PAPSS1: variants seen among roughly 807,000 people sequenced by gnomAD.
PAPSS1 encodes the protein bifunctional 3'-phosphoadenosine 5'-phosphosulfate synthase 1.
PAPSS1 carries 50 observed loss-of-function variants against 72.0 expected under a neutral mutation model. The observed-to-expected ratio is 0.69, with a 90% CI of 0.55 to 0.88. The LOEUF (loss-of-function observed/expected upper bound fraction) is 0.88, where lower values mean the gene tolerates loss of function less well. Ranked by LOEUF, PAPSS1 falls within the 40% of genes least tolerant of loss-of-function variation. The pLI is 0.00. For synonymous variants in PAPSS1, 261 were observed against 263.6 expected (o/e 0.99, Z 0.09); for missense variants, 657 against 782.2 (o/e 0.84, Z 1.91).
Position 107,654,844 on chromosome 4 carries a change from CTT to C in PAPSS1, c.950_951del (p.Lys317ArgfsTer14). ...PIVLTATHED[K>X]ERLDGCTAFA... Reference sequence around the variant, plus strand: ...AATGCTGTACAGCCGTCCAGCCTCTCTTTATCTTCATGAGTCGCAGTCAGAAC... The same window carrying C: ...AATGCTGTACAGCCGTCCAGCCTCTCTATCTTCATGAGTCGCAGTCAGAAC... On this transcript the variant is annotated frameshift_variant, in exon 8 of 12. Transcript: ENST00000265174. LOFTEE classifies it high-confidence loss of function. 4.3e-6 allele frequency: 7 copies of C among 1,614,060 alleles called. No individual in the cohort carries two copies. Among genetic ancestry groups the C allele is most frequent in the Non-Finnish European group, 5.9e-6 (7 of 1,179,954 alleles).
chr4:107,626,721 A>G (rs555074903), intron 11 of PAPSS1, among the ~76,000 whole-genome samples: 1 of 152,376 alleles, frequency 6.6e-6, no homozygotes, highest in South Asian at 2.1e-4. Context: ...AGTAACATCC[A>G]TTAATCAAAC....
At chr4:107,676,489 A>C (rs913960713) in intron 5 of PAPSS1, among the ~76,000 whole-genome samples, 1 of 152,186 alleles carries the variant, frequency 6.6e-6, no homozygotes, top group Non-Finnish European at 1.5e-5. Context: ...GATGTGAAAG[A>C]CCTCTTCAAG....
chr4:107,616,133 A>G (rs1725818269), intron 11 of PAPSS1, among the ~76,000 whole-genome samples: 1 of 152,018 alleles, frequency 6.6e-6, no homozygotes, highest in Non-Finnish European at 1.5e-5. Context: ...TGCCCTATGT[A>G]GTCATTGTTG....
chr4:107,719,926 C>A, intron 1 of PAPSS1, 194 bp downstream of exon 1: 1 of 1,377,128 alleles, frequency 7.3e-7, no homozygotes, highest in South Asian at 1.7e-5. Context: ...AGGGCGAGAT[C>A]CCCACCCTGC....
chr4:107,648,355 G>A (rs572140269), intron 9 of PAPSS1, among the ~76,000 whole-genome samples: 11 of 152,322 alleles, frequency 7.2e-5, no homozygotes, highest in African/African-American at 2.6e-4. Context: ...GTGGCACAGT[G>A]CAGAGCGACC....
intron 10 of PAPSS1, among the ~76,000 whole-genome samples, chr4:107,643,006 C>G (rs953020138): frequency 5.3e-5 from 8 of 152,092 alleles, no homozygotes; most frequent in Admixed American, 3.9e-4. Flanking sequence ...TTCTTAAGAG[C>G]AAAAATCTGT....
At chr4:107,624,294 G>A (rs1309693345) in intron 11 of PAPSS1, among the ~76,000 whole-genome samples, 2 of 152,164 alleles carry the variant, frequency 1.3e-5, no homozygotes, top group Non-Finnish European at 2.9e-5. Flanking sequence ...CTCAGGCTTG[G>A]TCAAGCAAGT....
chr4:107,642,329 T>G (rs1726570149), intron 10 of PAPSS1, among the ~76,000 whole-genome samples: 1 of 152,176 alleles, frequency 6.6e-6, no homozygotes, highest in Admixed American at 6.5e-5. Flanking sequence ...CCAGATTACT[T>G]AGGTTCAGAT....
intron 5 of PAPSS1, 44 bp downstream of exon 5, chr4:107,681,971 G>T (rs1310369882): frequency 2.2e-6 from 2 of 915,690 alleles, no homozygotes; most frequent in African/African-American, 1.7e-5. Context: ...TTATGAGAGA[G>T]ATATAATTTT....
At chr4:107,683,423 G>A (rs1177915581) in intron 4 of PAPSS1, among the ~76,000 whole-genome samples, 2 of 152,020 alleles carry the variant, frequency 1.3e-5, no homozygotes, top group Non-Finnish European at 1.5e-5. Flanking sequence ...TCTCAAATGC[G>A]GTGATATACT....
intron 5 of PAPSS1, among the ~76,000 whole-genome samples, chr4:107,674,462 C>A (rs879799817): frequency 3.3e-5 from 5 of 152,152 alleles, no homozygotes; most frequent in Non-Finnish European, 7.4e-5. Context: ...GTAAAGGGAT[C>A]AATTCAACAA....
chr4:107,635,445 T>G (rs1237989047), intron 10 of PAPSS1, among the ~76,000 whole-genome samples: 1 of 152,212 alleles, frequency 6.6e-6, no homozygotes, highest in Non-Finnish European at 1.5e-5. Context: ...CAAATATGAT[T>G]CTTTTTGTCA....
At chr4:107,713,972 G>A (rs1723570718) in intron 1 of PAPSS1, among the ~76,000 whole-genome samples, 2 of 152,000 alleles carry the variant, frequency 1.3e-5, no homozygotes, top group Non-Finnish European at 2.9e-5. Flanking sequence ...GAAAAGATAT[G>A]TCACAGAAAC....
intron 1 of PAPSS1, among the ~76,000 whole-genome samples, chr4:107,705,320 A>C (rs1312529924): frequency 1.3e-5 from 2 of 152,232 alleles, no homozygotes; most frequent in Non-Finnish European, 2.9e-5. Flanking sequence ...GGAGGTGATC[A>C]GATCATGGGG....
intron 10 of PAPSS1, among the ~76,000 whole-genome samples, chr4:107,633,473 A>G (rs1026586669): frequency 9.9e-5 from 15 of 152,046 alleles, no homozygotes; most frequent in Admixed American, 3.3e-4. Context: ...GTTTCTGTGT[A>G]CCTTGCTCTA....
At chr4:107,615,718 C>G (rs1351304562) in intron 11 of PAPSS1, among the ~76,000 whole-genome samples, 1 of 151,958 alleles carries the variant, frequency 6.6e-6, no homozygotes, top group African/African-American at 2.4e-5. Flanking sequence ...AATAAAATAA[C>G]CAGGACACAA....
At chr4:107,625,902 CCGGGCG>C (rs1726082649) in intron 11 of PAPSS1, among the ~76,000 whole-genome samples, 1 of 152,014 alleles carries the variant, frequency 6.6e-6, no homozygotes, top group Non-Finnish European at 1.5e-5. Context: ...ATACTCTGGG[CCGGGCG>C]CGGTGGCTCA....
rs148638381 is a variant in PAPSS1, at chr4:107,702,035, C to G, written c.61-750G>C. On this transcript the variant is annotated intron_variant, in intron 1 of 11. Transcript: ENST00000265174. ...CCTCAAAGTATCTGAACAGGCTTTC[C>G]TCCAAAGAAAACATACAAATGGTCA... 3.6e-3 allele frequency among the ~76,000 whole-genome samples: 541 copies of G among 150,980 alleles called. 3 individuals are homozygous for G. The highest frequency in any genetic ancestry group is 0.013 in the African/African-American group (524 of 41,296).
chr4:107,716,672 T>C (rs1312592856), intron 1 of PAPSS1, among the ~76,000 whole-genome samples: 2 of 146,766 alleles, frequency 1.4e-5, no homozygotes, highest in East Asian at 2.1e-4. Flanking sequence ...AAAGATTCAA[T>C]TGGATAGAAA....
Sources: gnomAD v4.1 joint callset for allele counts (sites outside exome capture counted in the v4.1 genomes callset) on GRCh38, gnomAD v4.1.1 for gene constraint, MANE v1.5 for transcripts, NCBI Gene and HGNC (gene_info 2026-07-23, HGNC 2026-07-21) for gene names.